CARNMT1: variants seen among roughly 807,000 people sequenced by gnomAD.
CARNMT1 encodes the protein protein-L-histidine N-pros-methyltransferase CARNMT1.
A neutral mutation model predicts 49.6 loss-of-function variants in CARNMT1; 28 were observed. The ratio of observed to expected loss-of-function variants is 0.56; its 90% CI spans 0.42 to 0.77. The LOEUF (loss-of-function observed/expected upper bound fraction) is 0.77, where lower values mean the gene tolerates loss of function less well. Among genes scored for constraint, CARNMT1 ranks in the 30% least tolerant of loss-of-function variants. The pLI is 0.00. For synonymous variants in CARNMT1, 178 were observed against 175.0 expected (o/e 1.02, Z -0.13); for missense variants, 421 against 512.6 (o/e 0.82, Z 1.73).
chr9:75,013,970 CA>C (rs1262711370), intron 3 of CARNMT1, among the ~76,000 whole-genome samples: 1 of 62,218 alleles, frequency 1.6e-5, no homozygotes, highest in Non-Finnish European at 2.9e-5. Flanking sequence ...CACTTTGTGT[CA>C]AAAAAAAGAG....
At chr9:75,002,785 G>C (rs1833400922) in intron 3 of CARNMT1, among the ~76,000 whole-genome samples, 1 of 152,168 alleles carries the variant, frequency 6.6e-6, no homozygotes, top group African/African-American at 2.4e-5. Flanking sequence ...CTGTTGCCCA[G>C]GCTGGAGTGC....
intron 1 of CARNMT1, among the ~76,000 whole-genome samples, chr9:75,024,832 C>A (rs563217225): frequency 6.6e-6 from 1 of 152,158 alleles, no homozygotes; most frequent in African/African-American, 2.4e-5. Flanking sequence ...GTCGAAAACC[C>A]ACACCTAACT....
upstream of CARNMT1, chr9:75,028,375 AC>A: frequency 7.7e-7 from 1 of 1,300,792 alleles, no homozygotes; most frequent in Non-Finnish European, 9.7e-7. Context: ...CGCCCCCGCC[AC>A]CCTCAGGCCT....
At position 74,983,028 on chromosome 9, in the gene CARNMT1, CTTCT is replaced by C. The variant is rs1039212332; in HGVS notation, c.*735_*738del. ...TTTCATAAAAAAGAAATGTTTGATGCTTCTTTAAGTTCATCTGAGCCAGAAAATA... is the reference window on the plus strand; with the variant it reads ...TTTCATAAAAAAGAAATGTTTGATGCTTAAGTTCATCTGAGCCAGAAAATA... On this transcript the variant is annotated 3_prime_UTR_variant, in exon 8 of 8. Transcript: ENST00000376834. 2 of 152,162 alleles carry C rather than the reference CTTCT, an allele frequency of 1.3e-5. No individual in the cohort carries two copies. Among genetic ancestry groups the C allele is most frequent in the Admixed American group, 1.3e-4 (2 of 15,284 alleles). The allele number at this position is 152,162 out of a possible 1,614,324, so 9.4% of individuals were successfully genotyped here.
intron 3 of CARNMT1, among the ~76,000 whole-genome samples, chr9:75,005,873 C>CACA (rs1491304654): frequency 1.5e-5 from 2 of 132,232 alleles, no homozygotes; most frequent in Admixed American, 7.6e-5. Context: ...CACACACACA[C>CACA]AATAAAAGGC....
rs1833265314 is a variant in CARNMT1 at position 74,998,595 on chromosome 9, T to TA, written c.910+2dup. On this transcript the variant is annotated splice_region_variant and intron_variant, in intron 5 of 7. Transcript: ENST00000376834. ...ACTTTTTAAACGCTTGATTTGGACT[T>TA]ACTGCATTCTGAATAAATCTCTTGA... 1 of 1,558,344 alleles carries TA rather than the reference T, an allele frequency of 6.4e-7. No homozygotes were observed.
intron 3 of CARNMT1, among the ~76,000 whole-genome samples, chr9:75,012,513 T>C (rs2118843446): frequency 6.6e-6 from 1 of 152,174 alleles, no homozygotes; most frequent in East Asian, 1.9e-4. Flanking sequence ...TCTCGAACTC[T>C]TGACCTCAAG....
intron 1 of CARNMT1, 111 bp downstream of exon 1, chr9:75,027,901 G>T (rs966596767): frequency 1.6e-6 from 2 of 1,230,864 alleles, no homozygotes; most frequent in Non-Finnish European, 2.1e-6. Flanking sequence ...GCCGGGTCCC[G>T]ACGCCTCGGA....
chr9:74,995,340 C>T (rs1833155489), intron 6 of CARNMT1, among the ~76,000 whole-genome samples: 2 of 152,078 alleles, frequency 1.3e-5, no homozygotes, highest in East Asian at 3.9e-4. Flanking sequence ...TATAGGGCTG[C>T]TTTGAGATTC....
intron 2 of CARNMT1, 172 bp downstream of exon 2, chr9:75,017,081 T>C (rs1833876682): frequency 1.7e-6 from 1 of 576,118 alleles, no homozygotes; most frequent in Non-Finnish European, 3.0e-6. Flanking sequence ...AGTGAACAGA[T>C]CCAGTCTCTG....
chr9:75,001,155 T>C (rs1833341245), intron 3 of CARNMT1, among the ~76,000 whole-genome samples: 1 of 152,154 alleles, frequency 6.6e-6, no homozygotes, highest in Non-Finnish European at 1.5e-5. Flanking sequence ...ATCAAACTCA[T>C]GCAACAGAAA....
chr9:75,013,214 T>G (rs1179356820), intron 3 of CARNMT1, among the ~76,000 whole-genome samples: 1 of 152,182 alleles, frequency 6.6e-6, no homozygotes, highest in Non-Finnish European at 1.5e-5. Flanking sequence ...TAATTTATTA[T>G]GGTGCAATTA....
chr9:75,003,130 C>T (rs1177822608), intron 3 of CARNMT1, among the ~76,000 whole-genome samples: 1 of 152,152 alleles, frequency 6.6e-6, no homozygotes, highest in Non-Finnish European at 1.5e-5. Flanking sequence ...CAACAAAGAA[C>T]TCTTTATTTC....
chr9:74,985,798 T>C (rs1832818904), intron 6 of CARNMT1, among the ~76,000 whole-genome samples: 1 of 152,216 alleles, frequency 6.6e-6, no homozygotes, highest in Non-Finnish European at 1.5e-5. Flanking sequence ...CAGGCTGGTC[T>C]TGAACTCCTG....
intron 1 of CARNMT1, chr9:75,027,500 CAA>C (rs1822565774): frequency 2.0e-6 from 2 of 984,004 alleles, no homozygotes; most frequent in African/African-American, 3.5e-5. Flanking sequence ...TTCACAGCGC[CAA>C]AGAGGGGTGG....
intron 7 of CARNMT1, 24 bp from the exon 8 acceptor site, chr9:74,983,892 A>G: frequency 6.6e-7 from 1 of 1,522,282 alleles, no homozygotes; most frequent in Non-Finnish European, 9.0e-7. Flanking sequence ...AATAATCATA[A>G]TACTATGACA....
intron 7 of CARNMT1, among the ~76,000 whole-genome samples, chr9:74,984,395 T>G (rs1539731): frequency 0.044 from 6,765 of 152,252 alleles, 213 homozygotes; most frequent in South Asian, 0.069. Context: ...GAAAGGCTAT[T>G]TCACCAGAAA....
At chr9:74,995,049 A>G (rs1242701663) in intron 6 of CARNMT1, among the ~76,000 whole-genome samples, 1 of 151,848 alleles carries the variant, frequency 6.6e-6, no homozygotes, top group Non-Finnish European at 1.5e-5. Context: ...AAATATTCAT[A>G]AACCAATAAA....
chr9:74,997,060 C>T (rs1216996625), intron 5 of CARNMT1, among the ~76,000 whole-genome samples: 1 of 152,134 alleles, frequency 6.6e-6, no homozygotes, highest in Non-Finnish European at 1.5e-5. Context: ...GAGCCAGGGG[C>T]AGGCAGAAGC....
Sources: allele counts gnomAD v4.1 joint callset (sites outside exome capture counted in the v4.1 genomes callset), GRCh38; gene constraint gnomAD v4.1.1; transcripts MANE v1.5; gene names NCBI Gene and HGNC (gene_info 2026-07-23, HGNC 2026-07-21).